The following MYBL2 variants were observed in gnomAD, a reference collection of about 807,000 sequenced individuals.
The protein encoded by MYBL2 is myb-related protein B.
Under a neutral mutation model 79.9 loss-of-function variants are expected in MYBL2, and 28 were observed. The observed-to-expected ratio is 0.35, with a 90% CI of 0.26 to 0.48. MYBL2 has a LOEUF of 0.48. Among genes scored for constraint, MYBL2 ranks in the 20% least tolerant of loss-of-function variants. The pLI is 0.99. For synonymous variants in MYBL2, 378 were observed against 361.2 expected (o/e 1.05, Z -0.53); for missense variants, 735 against 893.9 (o/e 0.82, Z 2.27).
intron 11 of MYBL2, among the ~76,000 whole-genome samples, chr20:43,712,525 C>A (rs554523382): frequency 1.2e-4 from 19 of 152,188 alleles, no homozygotes; most frequent in African/African-American, 4.6e-4. Flanking sequence ...CGGAGCAGGC[C>A]CTGGACCTGC....
At chr20:43,700,176 C>T (rs993638244) in intron 7 of MYBL2, 132 bp downstream of exon 7, 1 of 1,263,856 alleles carries the variant, frequency 7.9e-7, no homozygotes, top group Non-Finnish European at 1.1e-6. Flanking sequence ...GAATGCCTAG[C>T]CCTGACCCAA....
chr20:43,692,027 G>T, intron 5 of MYBL2, 130 bp from the exon 6 acceptor site: 1 of 775,412 alleles, frequency 1.3e-6, no homozygotes, highest in Non-Finnish European at 2.1e-6. Flanking sequence ...AACTGAAAGA[G>T]ACCTTAGAGT....
intron 5 of MYBL2, among the ~76,000 whole-genome samples, chr20:43,687,538 A>G (rs1987306622): frequency 6.6e-6 from 1 of 152,136 alleles, no homozygotes; most frequent in Admixed American, 6.6e-5. Flanking sequence ...GAAAAACATC[A>G]GTCTTTGTCA....
intron 8 of MYBL2, 97 bp downstream of exon 8, chr20:43,703,000 C>T: frequency 1.5e-6 from 2 of 1,324,414 alleles, no homozygotes; most frequent in East Asian, 2.4e-5. Flanking sequence ...TGGCTCTGCC[C>T]TCATGCAGCT....
chr20:43,675,786 T>TG (rs397744030), intron 2 of MYBL2, among the ~76,000 whole-genome samples: 2 of 149,288 alleles, frequency 1.3e-5, no homozygotes, highest in African/African-American at 5.0e-5. Flanking sequence ...TGTGTGTGTG[T>TG]TGTTTTTAAC....
intron 9 of MYBL2, among the ~76,000 whole-genome samples, chr20:43,709,501 CCTCGGTGAA>C (rs1987858932): frequency 6.6e-6 from 1 of 152,218 alleles, no homozygotes; most frequent in African/African-American, 2.4e-5. Context: ...GTGTCCATCA[CCTCGGTGAA>C]CTCTTGGGAG....
intron 11 of MYBL2, among the ~76,000 whole-genome samples, 181 bp from the exon 12 acceptor site, chr20:43,712,821 G>A (rs1195047886): frequency 2.6e-5 from 4 of 152,090 alleles, no homozygotes; most frequent in Non-Finnish European, 5.9e-5. Context: ...GGGGCCATGG[G>A]GCCTAACTTT....
chr20:43,678,775 T>G (rs1273054511), intron 2 of MYBL2, among the ~76,000 whole-genome samples: 1 of 147,086 alleles, frequency 6.8e-6, no homozygotes, highest in Non-Finnish European at 1.5e-5. Context: ...GGAGAATCAC[T>G]TGAACCCAGA....
At chr20:43,675,954 T>C (rs1269214537) in intron 2 of MYBL2, among the ~76,000 whole-genome samples, 3 of 150,156 alleles carry the variant, frequency 2.0e-5, no homozygotes, top group African/African-American at 4.9e-5. Context: ...GCCCAGGCTG[T>C]AGTGCAGTGG....
chr20:43,709,103 C>A (rs1223174497), intron 9 of MYBL2, among the ~76,000 whole-genome samples: 1 of 152,204 alleles, frequency 6.6e-6, no homozygotes, highest in Non-Finnish European at 1.5e-5. Context: ...AGGCCCCAGG[C>A]TGCTGTTTCT....
chr20:43,709,842 A>T (rs1987865973), intron 9 of MYBL2, 121 bp from the exon 10 acceptor site: 1 of 752,348 alleles, frequency 1.3e-6, no homozygotes, highest in African/African-American at 1.8e-5. Context: ...GGGGAGAGGG[A>T]TGGGACGAGA....
At chr20:43,675,034 G>C (rs1327551385) in intron 2 of MYBL2, among the ~76,000 whole-genome samples, 2 of 151,986 alleles carry the variant, frequency 1.3e-5, no homozygotes, top group African/African-American at 4.8e-5. Context: ...CCAGGCTGGA[G>C]TGCCGTGCTA....
Position 43,681,869 on chromosome 20 carries a change from T to C in MYBL2, c.186+14T>C, listed in dbSNP as rs442143. 1,394,955 of 1,613,440 alleles carry C rather than the reference T, an allele frequency of 0.86. 604,432 individuals are homozygous for C. Among genetic ancestry groups the C allele is most frequent in the Non-Finnish European group, 0.88 (1,035,668 of 1,179,574 alleles). The stretch of plus-strand genomic sequence containing the variant: ...AGCCACTTCCCTGTGAGTACAGTCC[T>C]GCTGTGGCCCTCCCTCGGGGCAAGG... On this transcript the variant is annotated intron_variant, in intron 3 of 13. Coordinates refer to ENST00000217026, the MANE Select transcript of MYBL2 (RefSeq NM_002466.4).
chr20:43,710,840 T>A (rs930408659), intron 10 of MYBL2, among the ~76,000 whole-genome samples: 1 of 152,172 alleles, frequency 6.6e-6, no homozygotes, highest in African/African-American at 2.4e-5. Context: ...TCCTTTCCTG[T>A]TGCAGTGGAG....
intron 6 of MYBL2, among the ~76,000 whole-genome samples, chr20:43,699,214 T>C (rs560601714): frequency 6.6e-6 from 1 of 152,136 alleles, no homozygotes; most frequent in East Asian, 1.9e-4. Context: ...AATTTTGTTT[T>C]GTTTTGTTTT....
intron 2 of MYBL2, among the ~76,000 whole-genome samples, chr20:43,681,341 C>G (rs527406990): frequency 6.6e-6 from 1 of 152,282 alleles, no homozygotes; most frequent in South Asian, 2.1e-4. Flanking sequence ...ACTGTGACCA[C>G]CCACTCTTCA....
At chr20:43,701,116 C>T (rs1293062275) in intron 7 of MYBL2, among the ~76,000 whole-genome samples, 1 of 152,226 alleles carries the variant, frequency 6.6e-6, no homozygotes, top group African/African-American at 2.4e-5. Flanking sequence ...GCCAGGTTCA[C>T]ACAGCCGGTG....
Position 43,716,215 on chromosome 20 carries a change from A to C in MYBL2, c.*128A>C. Reference sequence around the variant, plus strand: ...CCTTCTGCCACCAGCCCCTCCCCAGACTCTCAGGTGGAGGCAACAGGGCCA... The same window carrying C: ...CCTTCTGCCACCAGCCCCTCCCCAGCCTCTCAGGTGGAGGCAACAGGGCCA... On this transcript the variant is annotated 3_prime_UTR_variant, in exon 14 of 14. Coordinates refer to ENST00000217026, the MANE Select transcript of MYBL2 (RefSeq NM_002466.4). 1.4e-6 allele frequency: 2 copies of C among 1,437,598 alleles called. No homozygotes were observed. The highest frequency in any genetic ancestry group is 2.4e-5 in the East Asian group (1 of 41,170). The allele number at this position is 1,437,598 out of a possible 1,614,324, so 89.1% of individuals were successfully genotyped here.
At chr20:43,688,165 G>A (rs1600550977) in intron 5 of MYBL2, among the ~76,000 whole-genome samples, 2 of 150,988 alleles carry the variant, frequency 1.3e-5, no homozygotes, top group South Asian at 4.2e-4. Flanking sequence ...CTTTCTAAGG[G>A]CTCCTCCCTT....
Sources: gnomAD v4.1 joint callset for allele counts (sites outside exome capture counted in the v4.1 genomes callset) on GRCh38, gnomAD v4.1.1 for gene constraint, MANE v1.5 for transcripts, NCBI Gene and HGNC (gene_info 2026-07-23, HGNC 2026-07-21) for gene names.